The following CDK14 variants were observed in gnomAD, a reference collection of about 807,000 sequenced individuals.
CDK14 encodes the protein cyclin-dependent kinase 14.
In CDK14, 34 loss-of-function variants were observed where a neutral mutation model predicts 60.7. The observed-to-expected ratio is 0.56, with a 90% confidence interval of 0.43 to 0.75. The LOEUF (loss-of-function observed/expected upper bound fraction) is 0.75. Ranked by LOEUF, CDK14 falls within the 30% of genes least tolerant of loss-of-function variation. The pLI, the probability that CDK14 is intolerant of heterozygous loss-of-function variation, is 0.00. For missense variants in CDK14, 482 were observed against 564.1 expected, an observed-to-expected ratio of 0.85 and a Z score of 1.47; for synonymous variants, 197 against 203.7, an observed-to-expected ratio of 0.97 and a Z score of 0.28.
At chr7:90,810,103 C>A (rs1455206627) in intron 5 of CDK14, among the ~76,000 whole-genome samples, 1 of 152,146 alleles carries the variant, frequency 6.6e-6, no homozygotes, top group Admixed American at 6.5e-5. Flanking sequence ...AGAGGAAATC[C>A]TCCTTAACTC....
intron 8 of CDK14, among the ~76,000 whole-genome samples, chr7:90,936,354 A>G (rs1461451814): frequency 6.6e-6 from 1 of 152,250 alleles, no homozygotes; most frequent in Non-Finnish European, 1.5e-5. Context: ...ATGTTTTTCC[A>G]TGAAATGGTC....
chr7:91,033,088 A>G (rs889115961), intron 10 of CDK14, among the ~76,000 whole-genome samples: 5 of 152,184 alleles, frequency 3.3e-5, no homozygotes, highest in Non-Finnish European at 7.3e-5. Context: ...GAGGATTTTC[A>G]TTGGCCTCAA....
At chr7:90,742,827 A>C (rs1584846832) in intron 3 of CDK14, among the ~76,000 whole-genome samples, 1 of 151,978 alleles carries the variant, frequency 6.6e-6, no homozygotes, top group East Asian at 1.9e-4. Flanking sequence ...TTTTATTAAA[A>C]AAAACCATTT....
intron 13 of CDK14, 36 bp downstream of exon 13, chr7:91,112,717 A>G (rs1799501705): frequency 6.2e-7 from 1 of 1,606,502 alleles, no homozygotes; most frequent in Admixed American, 1.7e-5. Context: ...CAGTCCAAGC[A>G]GACACATCAT....
intron 7 of CDK14, among the ~76,000 whole-genome samples, chr7:90,901,390 T>G (rs1213293916): frequency 6.6e-6 from 1 of 152,154 alleles, no homozygotes; most frequent in African/African-American, 2.4e-5. Flanking sequence ...GGAAGTTGTT[T>G]AACATGGTCA....
At chr7:91,136,247 G>A (rs1351861749) in intron 14 of CDK14, among the ~76,000 whole-genome samples, 1 of 152,084 alleles carries the variant, frequency 6.6e-6, no homozygotes, top group East Asian at 1.9e-4. Flanking sequence ...TCTAAAATAT[G>A]ATGTTCTATG....
intron 5 of CDK14, among the ~76,000 whole-genome samples, chr7:90,823,745 G>A (rs1238357576): frequency 6.6e-6 from 1 of 152,156 alleles, no homozygotes; most frequent in African/African-American, 2.4e-5. Flanking sequence ...CCTGTGCCAA[G>A]TTCTTGTGAA....
chr7:90,997,590 G>C (rs1483335490), intron 10 of CDK14, among the ~76,000 whole-genome samples: 1 of 152,120 alleles, frequency 6.6e-6, no homozygotes, highest in Non-Finnish European at 1.5e-5. Context: ...AAGCTCAAGA[G>C]AACAAATTAC....
intron 5 of CDK14, among the ~76,000 whole-genome samples, chr7:90,819,856 T>TTAATTC (rs1286591005): frequency 5.3e-5 from 8 of 152,194 alleles, no homozygotes; most frequent in Non-Finnish European, 1.2e-4. Context: ...AATTCAAGCA[T>TTAATTC]AGGAATTAAT....
intron 10 of CDK14, among the ~76,000 whole-genome samples, chr7:91,012,611 G>A (rs1251030672): frequency 6.6e-6 from 1 of 152,036 alleles, no homozygotes; most frequent in African/African-American, 2.4e-5. Flanking sequence ...CCTGTCTCTA[G>A]AATCACTTTT....
intron 5 of CDK14, among the ~76,000 whole-genome samples, chr7:90,791,358 A>G (rs184246986): frequency 6.6e-6 from 1 of 152,170 alleles, no homozygotes; most frequent in African/African-American, 2.4e-5. Flanking sequence ...GTTTTAGGAT[A>G]AGTAGGTTTA....
chr7:90,637,959 C>T (rs542005724), intron 2 of CDK14, among the ~76,000 whole-genome samples: 8 of 143,546 alleles, frequency 5.6e-5, no homozygotes, highest in Non-Finnish European at 1.2e-4. Flanking sequence ...ATTGCAACCC[C>T]TGCCTTTTTT....
intron 13 of CDK14, among the ~76,000 whole-genome samples, chr7:91,116,672 T>G (rs976059769): frequency 1.3e-5 from 2 of 152,156 alleles, no homozygotes; most frequent in East Asian, 3.9e-4. Flanking sequence ...ACAACCAGGC[T>G]TTTGTGTCCA....
At chr7:90,824,273 G>A (rs1054737535) in intron 5 of CDK14, among the ~76,000 whole-genome samples, 1 of 152,040 alleles carries the variant, frequency 6.6e-6, no homozygotes, top group African/African-American at 2.4e-5. Context: ...CTGCCAGCAT[G>A]ATCTCCATTA....
chr7:90,772,471 AC>A (rs1186849595), intron 4 of CDK14, among the ~76,000 whole-genome samples: 1 of 152,048 alleles, frequency 6.6e-6, no homozygotes, highest in African/African-American at 2.4e-5. Flanking sequence ...TTGGGGAGGG[AC>A]CTTGTGGGAG....
intron 2 of CDK14, among the ~76,000 whole-genome samples, chr7:90,698,561 C>T (rs1375688636): frequency 6.6e-6 from 1 of 152,104 alleles, no homozygotes; most frequent in Non-Finnish European, 1.5e-5. Context: ...TAATTTTATT[C>T]CTCCTTTGAT....
At chr7:90,890,251 T>C (rs1380472892) in intron 6 of CDK14, among the ~76,000 whole-genome samples, 1 of 152,182 alleles carries the variant, frequency 6.6e-6, no homozygotes, top group Admixed American at 6.5e-5. Context: ...CACATGCCTG[T>C]AGTCCTAGCT....
chr7:90,776,541 TA>T (rs1040752957), intron 4 of CDK14, among the ~76,000 whole-genome samples: 1 of 152,178 alleles, frequency 6.6e-6, no homozygotes, highest in African/African-American at 2.4e-5. Context: ...AGCTCGGCTT[TA>T]AAGTTCACAC....
intron 9 of CDK14, among the ~76,000 whole-genome samples, chr7:90,978,339 A>T (rs1015988583): frequency 4.6e-5 from 7 of 152,202 alleles, no homozygotes; most frequent in African/African-American, 1.7e-4. Flanking sequence ...GGATAATTTT[A>T]AAAATTGGAT....
Sources: gnomAD v4.1 joint callset for allele counts (sites outside exome capture counted in the v4.1 genomes callset) on GRCh38, gnomAD v4.1.1 for gene constraint, MANE v1.5 for transcripts, NCBI Gene and HGNC (gene_info 2026-07-23, HGNC 2026-07-21) for gene names.